ILDR2: variants seen among roughly 807,000 people sequenced by gnomAD.
ILDR2 encodes immunoglobulin like domain containing receptor 2.
Under a neutral mutation model 66.8 loss-of-function variants are expected in ILDR2, and 25 were observed. The observed-to-expected ratio is 0.37, with a 90% CI of 0.27 to 0.52. The LOEUF is 0.52. Among genes scored for constraint, ILDR2 ranks in the 20% least tolerant of loss-of-function variants. The pLI is 0.88. For synonymous variants in ILDR2, 367 were observed against 357.2 expected, an observed-to-expected ratio of 1.03 and a Z score of -0.31; for missense variants, 827 against 876.8, an observed-to-expected ratio of 0.94 and a Z score of 0.72.
chr1:166,925,693 T>G (rs1660236291), intron 7 of ILDR2, among the ~76,000 whole-genome samples: 2 of 152,204 alleles, frequency 1.3e-5, no homozygotes, highest in Admixed American at 1.3e-4. Flanking sequence ...TTTCCTCACC[T>G]GCACACTACA....
rs1203280437 is a variant in ILDR2 at position 166,912,632 on chromosome 1, A to G, written c.*6723T>C. The G allele has an allele frequency of 6.6e-6, 1 of 152,216 alleles. No homozygotes were observed. The highest frequency in any genetic ancestry group is 1.5e-5 in the Non-Finnish European group (1 of 68,038). The allele number at this position is 152,216 out of a possible 1,614,324, so 9.4% of individuals were successfully genotyped here. ...AAATTGAGCCCAGATGCTTCAAGCAAAAACAGATTTTCTGCTTGACAAGGC... is the reference window on the plus strand; with the variant it reads ...AAATTGAGCCCAGATGCTTCAAGCAGAAACAGATTTTCTGCTTGACAAGGC... On this transcript the variant is annotated 3_prime_UTR_variant, in exon 10 of 10. Coordinates refer to ENST00000271417, the MANE Select transcript of ILDR2 (RefSeq NM_199351.3).
At chr1:166,956,234 A>C (rs1412547407) in intron 3 of ILDR2, among the ~76,000 whole-genome samples, 1 of 152,180 alleles carries the variant, frequency 6.6e-6, no homozygotes, top group Non-Finnish European at 1.5e-5. Flanking sequence ...AGCTCTTTTT[A>C]TTGGGCATCT....
intron 3 of ILDR2, among the ~76,000 whole-genome samples, chr1:166,945,389 C>T (rs572762945): frequency 1.2e-4 from 19 of 152,308 alleles, no homozygotes; most frequent in African/African-American, 3.6e-4. Flanking sequence ...CACATTCACA[C>T]GCTTTGGATT....
chr1:166,940,189 C>A (rs1029579519), intron 3 of ILDR2, among the ~76,000 whole-genome samples: 1 of 152,162 alleles, frequency 6.6e-6, no homozygotes, highest in Non-Finnish European at 1.5e-5. Flanking sequence ...GCACCCACAG[C>A]TGGCATTATA....
chr1:166,973,710 G>C (rs986358770), intron 1 of ILDR2, among the ~76,000 whole-genome samples: 1 of 148,612 alleles, frequency 6.7e-6, no homozygotes, highest in Non-Finnish European at 1.5e-5. Flanking sequence ...AGTAGAGGCA[G>C]ATTAAGGATG....
chr1:166,956,672 TA>T, intron 3 of ILDR2, 60 bp downstream of exon 3: 2 of 1,577,732 alleles, frequency 1.3e-6, no homozygotes, highest in Non-Finnish European at 1.7e-6. Context: ...AGAAGAGGGA[TA>T]GGATACAGTG....
At chr1:166,898,060 T>A (rs1309341098) in intron 2 of ILDR2, among the ~76,000 whole-genome samples, 1 of 152,190 alleles carries the variant, frequency 6.6e-6, no homozygotes, top group East Asian at 1.9e-4. Context: ...AGGGTTGCAC[T>A]GCACAATGAA....
intron 1 of ILDR2, among the ~76,000 whole-genome samples, chr1:166,973,683 G>C (rs1429615521): frequency 7.2e-6 from 1 of 139,674 alleles, no homozygotes; most frequent in Non-Finnish European, 1.5e-5. Flanking sequence ...AGTGCCCTGA[G>C]AATATTGATA....
chr1:166,920,575 G>T (rs1008660471), intron 9 of ILDR2, 132 bp downstream of exon 9: 2 of 1,031,806 alleles, frequency 1.9e-6, no homozygotes, highest in Non-Finnish European at 1.3e-6. Context: ...GCCCAGGCAG[G>T]CCCCTGCGGC....
chr1:166,952,422 T>C (rs964890670), intron 3 of ILDR2, among the ~76,000 whole-genome samples: 1 of 152,248 alleles, frequency 6.6e-6, no homozygotes, highest in African/African-American at 2.4e-5. Context: ...TGACTTTACC[T>C]TCTGAATCAT....
At chr1:166,898,463 G>A (rs1443418233) in intron 2 of ILDR2, among the ~76,000 whole-genome samples, 1 of 152,086 alleles carries the variant, frequency 6.6e-6, no homozygotes, top group Non-Finnish European at 1.5e-5. Context: ...GTAGCTCCCA[G>A]AACTCTTCCA....
exon 3 of ILDR2, chr1:166,895,907 G>C (rs1206664205): frequency 6.6e-6 from 1 of 152,198 alleles, no homozygotes; most frequent in East Asian, 1.9e-4. Flanking sequence ...CGTTTGTTCA[G>C]ATTCTTCTCT....
At chr1:166,920,376 G>T (rs2101848710) in intron 9 of ILDR2, among the ~76,000 whole-genome samples, 1 of 152,264 alleles carries the variant, frequency 6.6e-6, no homozygotes, top group African/African-American at 2.4e-5. Context: ...GGTGGTGATG[G>T]CTCCCGAGAT....
In ILDR2 at chr1:166,920,758, G is replaced by C; in HGVS notation, c.1833C>G (p.Pro611=). 1.3e-6 allele frequency: 2 copies of C among 1,490,224 alleles called. No homozygotes were observed. Among genetic ancestry groups the C allele is most frequent in the Non-Finnish European group, 1.8e-6 (2 of 1,120,072 alleles). The allele number at this position is 1,490,224 out of a possible 1,614,324, so 92.3% of individuals were successfully genotyped here. Residue 611 remains proline (P), a synonymous_variant, in exon 9 of 10, where the codon CCC becomes CCG. Coordinates refer to ENST00000271417, the MANE Select transcript of ILDR2 (RefSeq NM_199351.3). The stretch of plus-strand genomic sequence containing the variant: ...TCTTCTTCTCCGAGTTGCTGTGGTA[G>C]GGCAGGTCGCGGCCGCGGTAGGACG... ...RGPSYRGRDL[P]YHSNSEKKRK...
chr1:166,919,223 G>C lies in ILDR2; in HGVS notation c.*132C>G. On this transcript the variant is annotated 3_prime_UTR_variant, in exon 10 of 10. Coordinates refer to ENST00000271417, the MANE Select transcript of ILDR2 (RefSeq NM_199351.3). ...CCTTAAAGGCTGCCTGCCATCCCTT[G>C]CCAAAGCAGAGATCAGCAAATCTTC... 1.2e-6 allele frequency: 1 copy of C among 836,222 alleles called. No homozygotes were observed. 51.8% of individuals were successfully genotyped at this position (836,222 alleles called of 1,614,324 possible). A position where few individuals can be genotyped will look rare whatever the true frequency, so the allele number is the denominator to read the frequency against.
At chr1:166,941,243 T>C (rs1317788582) in intron 3 of ILDR2, among the ~76,000 whole-genome samples, 1 of 152,196 alleles carries the variant, frequency 6.6e-6, no homozygotes, top group Non-Finnish European at 1.5e-5. Flanking sequence ...GTCCCCCATC[T>C]CATGCAGCTG....
intron 2 of ILDR2, among the ~76,000 whole-genome samples, chr1:166,898,384 G>A (rs1659206473): frequency 6.6e-6 from 1 of 152,120 alleles, no homozygotes; most frequent in Non-Finnish European, 1.5e-5. Context: ...CTGTGTCTTT[G>A]TCTTTTCTAC....
chr1:166,921,481 ACCTCGGCCTGAG>A lies in ILDR2; in HGVS notation c.1212-114_1212-103del. The A allele has an allele frequency of 1.0e-6, 1 of 980,740 alleles. No homozygotes were observed. Among genetic ancestry groups the A allele is most frequent in the Non-Finnish European group, 1.5e-6 (1 of 683,814 alleles). 60.8% of individuals were successfully genotyped at this position (980,740 alleles called of 1,614,324 possible). ...CGTGTCCTGGGGCCACGCTCAGGAGACCTCGGCCTGAGCCTCAGCTCCGCTCCAGGCTGGATG... is the reference window on the plus strand; with the variant it reads ...CGTGTCCTGGGGCCACGCTCAGGAGACCTCAGCTCCGCTCCAGGCTGGATG... On this transcript the variant is annotated intron_variant, in intron 8 of 9. Transcript: ENST00000271417. The surrounding 1 kb of genome is among the most constrained non-coding windows in gnomAD (Gnocchi z 5.3).
At chr1:166,951,872 A>G (rs1263524939) in intron 3 of ILDR2, among the ~76,000 whole-genome samples, 1 of 152,304 alleles carries the variant, frequency 6.6e-6, no homozygotes, top group East Asian at 1.9e-4. Flanking sequence ...GTTATTTACC[A>G]TTAGGAATGT....
Sources: gnomAD v4.1 joint callset for allele counts (sites outside exome capture counted in the v4.1 genomes callset) on GRCh38, gnomAD v4.1.1 for gene constraint, Gnocchi (gnomAD v3.1) non-coding constraint, MANE v1.5 for transcripts, NCBI Gene and HGNC (gene_info 2026-07-23, HGNC 2026-07-21) for gene names.